Variants in SPECC1 observed in about 807,000 individuals in gnomAD.
SPECC1 encodes cytospin-B.
A neutral mutation model predicts 104.1 loss-of-function variants in SPECC1; 62 were observed. The ratio of observed to expected loss-of-function variants is 0.60; its 90% confidence interval spans 0.49 to 0.74. The LOEUF (loss-of-function observed/expected upper bound fraction) is 0.74. SPECC1 is among the 30% of genes least tolerant of loss of function. The pLI, the probability that SPECC1 is intolerant of heterozygous loss-of-function variation, is 0.00. For missense variants in SPECC1, 1,306 were observed against 1,310.5 expected (o/e 1.00, Z 0.05); for synonymous variants, 513 against 501.6 (o/e 1.02, Z -0.30).
chr17:20,019,365 T>C (rs1317755489), intron 1 of SPECC1, among the ~76,000 whole-genome samples: 2 of 152,006 alleles, frequency 1.3e-5, no homozygotes, highest in African/African-American at 4.8e-5. Context: ...AGAAATGACT[T>C]CTCCCAGTCA....
Position 20,110,416 on chromosome 17 carries a change from A to C in SPECC1, c.148-11A>C. ...CTCTTCATCCTCTCTCTTTCCTTCC[A>C]ACTCTCTCAGCTCAAGAGGGCCAGC... On this transcript the variant is annotated splice_polypyrimidine_tract_variant and intron_variant, in intron 2 of 14. Transcript: ENST00000395527. The C allele has an allele frequency of 1.2e-6, 2 of 1,602,964 alleles. No homozygotes were observed. The highest frequency in any genetic ancestry group is 1.7e-6 in the Non-Finnish European group (2 of 1,173,392).
intron 3 of SPECC1, chr17:20,156,159 G>A (rs1252115871): frequency 1.4e-6 from 2 of 1,436,172 alleles, no homozygotes; most frequent in South Asian, 1.5e-5. Context: ...CACCCGGTCC[G>A]AGGCCGGCAA....
chr17:20,233,411 C>G (rs1026983222), intron 7 of SPECC1, among the ~76,000 whole-genome samples: 1 of 152,204 alleles, frequency 6.6e-6, no homozygotes, highest in Non-Finnish European at 1.5e-5. Flanking sequence ...GTCAATTCTG[C>G]TCCAAGTAAT....
chr17:20,145,357 G>A (rs762653919), intron 3 of SPECC1, among the ~76,000 whole-genome samples: 22 of 152,304 alleles, frequency 1.4e-4, no homozygotes, highest in South Asian at 1.0e-3. Flanking sequence ...TGCCAAGTGC[G>A]TAACAGAATG....
At chr17:20,098,097 C>T (rs936006194) in intron 2 of SPECC1, among the ~76,000 whole-genome samples, 9 of 152,158 alleles carry the variant, frequency 5.9e-5, no homozygotes, top group Admixed American at 4.6e-4. Flanking sequence ...TGGGACCCCT[C>T]TAACTGCCTT....
At chr17:20,245,874 C>G in intron 7 of SPECC1, 52 bp from the exon 8 acceptor site, 1 of 1,600,090 alleles carries the variant, frequency 6.2e-7, no homozygotes. Context: ...GTCTTTTTCT[C>G]CCATGGGGAT....
At chr17:20,175,102 G>C (rs747642892) in intron 3 of SPECC1, among the ~76,000 whole-genome samples, 8 of 152,166 alleles carry the variant, frequency 5.3e-5, no homozygotes, top group Non-Finnish European at 1.0e-4. Flanking sequence ...GCCCTGGCCA[G>C]TTGTCAAGAA....
chr17:20,271,353 C>G (rs1460545066), intron 12 of SPECC1, among the ~76,000 whole-genome samples: 1 of 152,096 alleles, frequency 6.6e-6, no homozygotes, highest in Non-Finnish European at 1.5e-5. Flanking sequence ...CTCCCACCCC[C>G]CCCATGCTTC....
intron 4 of SPECC1, among the ~76,000 whole-genome samples, chr17:20,212,619 A>G (rs2037227035): frequency 6.6e-6 from 1 of 152,162 alleles, no homozygotes; most frequent in African/African-American, 2.4e-5. Flanking sequence ...CCCTCCCACA[A>G]CATGTGGGAA....
chr17:20,064,432 A>G (rs2046294586), intron 1 of SPECC1, among the ~76,000 whole-genome samples: 1 of 152,210 alleles, frequency 6.6e-6, no homozygotes, highest in Non-Finnish European at 1.5e-5. Context: ...TTTCTGGCTA[A>G]TTAAACAAAT....
intron 4 of SPECC1, among the ~76,000 whole-genome samples, chr17:20,214,615 C>G (rs1039758825): frequency 1.4e-4 from 22 of 152,246 alleles, no homozygotes; most frequent in Non-Finnish European, 2.9e-5. Context: ...TCAAGCGATT[C>G]TCCTGCCTCA....
rs567873813 is a variant in SPECC1 at position 20,176,545 on chromosome 17, T to C, written c.284-27788T>C. ...TGGATTCAAAAACAATGCAGAATTA[T>C]TTCCTGGCAGTTCTAGAGGTTAGAA... On this transcript the variant is annotated intron_variant, in intron 3 of 14. Transcript: ENST00000395527. Among the ~76,000 whole-genome samples the C allele has an allele frequency of 2.0e-4, 31 of 152,318 alleles. No homozygotes were observed. In the South Asian group the frequency reaches 6.4e-3, roughly 32 times the overall value.
At chr17:20,250,886 A>AG (rs11368410) in intron 9 of SPECC1, among the ~76,000 whole-genome samples, 1 of 151,288 alleles carries the variant, frequency 6.6e-6, no homozygotes, top group East Asian at 1.9e-4. Flanking sequence ...AAGGTGGTTA[A>AG]TATTGAAGCC....
chr17:20,313,947 G>T (rs1283241230), intron 14 of SPECC1, 29 bp from the exon 15 acceptor site: 8 of 1,607,736 alleles, frequency 5.0e-6, no homozygotes, highest in Non-Finnish European at 6.8e-6. Context: ...CCTGCCTTGT[G>T]ATCTGTCCCC....
intron 3 of SPECC1, chr17:20,111,884 T>C: frequency 1.3e-6 from 1 of 799,126 alleles, no homozygotes; most frequent in Admixed American, 1.7e-5. Context: ...GGTTGCTGTA[T>C]GTGGAACTTT....
At chr17:20,133,035 A>G (rs2049737938) in intron 3 of SPECC1, among the ~76,000 whole-genome samples, 1 of 152,086 alleles carries the variant, frequency 6.6e-6, no homozygotes, top group South Asian at 2.1e-4. Context: ...CACCGTGCCT[A>G]GCCGTGTGTA....
At chr17:20,206,410 C>T (rs2036781906) in intron 4 of SPECC1, among the ~76,000 whole-genome samples, 1 of 152,078 alleles carries the variant, frequency 6.6e-6, no homozygotes, top group Non-Finnish European at 1.5e-5. Flanking sequence ...TGTTTTCTTC[C>T]AGATATATGT....
At chr17:20,291,614 G>T (rs867869919) in intron 12 of SPECC1, among the ~76,000 whole-genome samples, 13 of 152,048 alleles carry the variant, frequency 8.5e-5, no homozygotes, top group Middle Eastern at 6.8e-3. Flanking sequence ...GCATGATCTT[G>T]GCTCACTGCA....
In SPECC1 at chr17:20,204,436, G is replaced by A. The variant is rs1256811536; in HGVS notation, c.387G>A (p.Arg129=). Residue 129 remains arginine (R), a synonymous_variant, in exon 4 of 15, where the codon AGG becomes AGA. Coordinates refer to ENST00000395527, the MANE Select transcript of SPECC1 (RefSeq NM_001243439.2). The part of the protein sequence containing the change: ...RSVPRGPSNP[R]KSVSSPTSSN... ...TGCCACGTGGTCCCTCCAACCCCAG[G>A]AAATCAGTGTCCAGTCCAACTTCTT... The A allele has an allele frequency of 1.2e-6, 2 of 1,614,046 alleles. No individual in the cohort carries two copies. Among genetic ancestry groups the A allele is most frequent in the Admixed American group, 1.7e-5 (1 of 60,012 alleles).
Sources: gnomAD v4.1 joint callset for allele counts (sites outside exome capture counted in the v4.1 genomes callset) on GRCh38, gnomAD v4.1.1 for gene constraint, MANE v1.5 for transcripts, NCBI Gene and HGNC (gene_info 2026-07-23, HGNC 2026-07-21) for gene names.